PPP1R42: variants seen among roughly 807,000 people sequenced by gnomAD.
PPP1R42 encodes protein phosphatase 1 regulatory subunit 42.
Under a neutral mutation model 31.0 loss-of-function variants are expected in PPP1R42, and 34 were observed. The ratio of observed to expected loss-of-function variants is 1.10; its 90% CI spans 0.83 to 1.46. PPP1R42 has a LOEUF of 1.46. PPP1R42 is among the 40% of genes most tolerant of loss of function. PPP1R42 has a pLI of 0.00. For missense variants in PPP1R42, 268 were observed against 303.0 expected, an observed-to-expected ratio of 0.88 and a Z score of 0.86; for synonymous variants, 103 against 109.8, an observed-to-expected ratio of 0.94 and a Z score of 0.39.
At chr8:67,027,218 AT>A (rs910080794) in intron 1 of PPP1R42, among the ~76,000 whole-genome samples, 1 of 152,152 alleles carries the variant, frequency 6.6e-6, no homozygotes, top group Non-Finnish European at 1.5e-5. Context: ...AAGTGCTTTT[AT>A]CTAAATATAG....
chr8:66,992,613 A>C (rs1393060732), intron 5 of PPP1R42, among the ~76,000 whole-genome samples: 1 of 152,092 alleles, frequency 6.6e-6, no homozygotes, highest in African/African-American at 2.4e-5. Context: ...CCTTTTCTAT[A>C]ATCTATGTTT....
At chr8:66,987,287 C>CTTTTTTTTTTTTTTTTTTTTTTTTTTTT in intron 6 of PPP1R42, among the ~76,000 whole-genome samples, 1 of 106,008 alleles carries the variant, frequency 9.4e-6, no homozygotes, top group African/African-American at 3.8e-5. Flanking sequence ...AGCAAATGAT[C>CTTTTTTTTTTTTTTTTTTTTTTTTTTTT]TTTTTTTTTT....
At position 66,991,261 on chromosome 8, in the gene PPP1R42, T is replaced by C. The variant is rs1815181493; in HGVS notation, c.553-2744A>G. The stretch of plus-strand genomic sequence containing the variant: ...TTAATAGTGTCAGCAAGCTATATAA[T>C]GCTGGCCCTAGTGAAGTTCATGGCT... On this transcript the variant is annotated intron_variant, in intron 5 of 7. Coordinates refer to ENST00000685739, the MANE Select transcript of PPP1R42 (RefSeq NM_001364910.1). 3.3e-5 allele frequency among the ~76,000 whole-genome samples: 5 copies of C among 152,336 alleles called. No individual in the cohort carries two copies. The South Asian group carries it at 1.0e-3, about 32-fold the overall frequency.
intron 6 of PPP1R42, chr8:66,988,050 C>G: frequency 1.4e-6 from 1 of 708,194 alleles, no homozygotes; most frequent in Non-Finnish European, 1.7e-6. Context: ...ATCTACAGAA[C>G]CAAGAGCTAA....
chr8:66,970,896 T>C (rs73691161), intron 7 of PPP1R42: 39,810 of 963,060 alleles, frequency 0.041, 1,950 homozygotes, highest in African/African-American at 0.21. Context: ...ACAGATTGGA[T>C]GGCCTCTGTT....
chr8:66,987,417 G>A (rs1317660418), intron 6 of PPP1R42, among the ~76,000 whole-genome samples: 1 of 148,214 alleles, frequency 6.7e-6, no homozygotes, highest in East Asian at 2.0e-4. Flanking sequence ...TCAGCCTCCC[G>A]AGTAGCTGAG....
chr8:67,022,414 T>C (rs1284785211), intron 1 of PPP1R42, among the ~76,000 whole-genome samples: 1 of 152,246 alleles, frequency 6.6e-6, no homozygotes, highest in Non-Finnish European at 1.5e-5. Flanking sequence ...TAATATTTCA[T>C]TGATAATATG....
chr8:66,974,156 C>T (rs529730373), intron 7 of PPP1R42, among the ~76,000 whole-genome samples: 5 of 152,142 alleles, frequency 3.3e-5, no homozygotes, highest in South Asian at 2.1e-4. Context: ...TTTTGAGGAA[C>T]GTTCATACTG....
chr8:67,014,413 T>G lies in PPP1R42; in HGVS notation c.296+13A>C. On this transcript the variant is annotated intron_variant, in intron 3 of 7. Coordinates refer to ENST00000685739, the MANE Select transcript of PPP1R42 (RefSeq NM_001364910.1). ...AAAAATCAGATACATTATTAAAAAA[T>G]AAAAGCACTTACAGTTTTTCCAGTT... 1.4e-6 allele frequency: 2 copies of G among 1,427,030 alleles called. No individual in the cohort carries two copies. Among genetic ancestry groups the G allele is most frequent in the Non-Finnish European group, 1.9e-6 (2 of 1,065,786 alleles). The allele number at this position is 1,427,030 out of a possible 1,614,324, so 88.4% of individuals were successfully genotyped here. A position where few individuals can be genotyped will look rare whatever the true frequency, so the allele number is the denominator to read the frequency against.
intron 7 of PPP1R42, among the ~76,000 whole-genome samples, chr8:66,970,556 G>A (rs947858595): frequency 2.6e-5 from 4 of 152,176 alleles, no homozygotes; most frequent in African/African-American, 9.7e-5. Context: ...TGTAGAAGTG[G>A]TGAAAGTAGT....
intron 4 of PPP1R42, among the ~76,000 whole-genome samples, chr8:67,011,266 C>T (rs929082146): frequency 2.6e-5 from 4 of 152,180 alleles, no homozygotes; most frequent in Non-Finnish European, 5.9e-5. Context: ...GTGGCTCATG[C>T]CTGTAATCTC....
At chr8:66,991,570 C>T (rs987010513) in intron 5 of PPP1R42, among the ~76,000 whole-genome samples, 4 of 152,146 alleles carry the variant, frequency 2.6e-5, no homozygotes, top group South Asian at 2.1e-4. Context: ...GTGGGTCATC[C>T]GTCCACCAAG....
At chr8:67,012,029 A>G (rs868586481) in intron 4 of PPP1R42, among the ~76,000 whole-genome samples, 1 of 152,260 alleles carries the variant, frequency 6.6e-6, no homozygotes, top group African/African-American at 2.4e-5. Context: ...CCAACACCGT[A>G]ATCCCAGACT....
chr8:67,011,687 A>G (rs1310610693), intron 4 of PPP1R42, among the ~76,000 whole-genome samples: 1 of 152,224 alleles, frequency 6.6e-6, no homozygotes, highest in Non-Finnish European at 1.5e-5. Context: ...TAATTAGCTA[A>G]TTAACAGGAA....
chr8:66,966,380 A>C (rs1040067879), intron 7 of PPP1R42, among the ~76,000 whole-genome samples: 2 of 152,202 alleles, frequency 1.3e-5, no homozygotes, highest in Non-Finnish European at 2.9e-5. Context: ...AGCCCTGCTC[A>C]TGGCAACTGT....
intron 1 of PPP1R42, among the ~76,000 whole-genome samples, chr8:67,020,320 C>T (rs1362111385): frequency 1.3e-5 from 2 of 152,116 alleles, no homozygotes; most frequent in Non-Finnish European, 2.9e-5. Flanking sequence ...CTGCCTCAGC[C>T]TCCCGAGTAG....
In PPP1R42 at chr8:66,982,196, T is replaced by TAA; in HGVS notation, c.671-17_671-16insTT. On this transcript the variant is annotated splice_polypyrimidine_tract_variant and intron_variant, in intron 6 of 7. Coordinates refer to ENST00000685739, the MANE Select transcript of PPP1R42 (RefSeq NM_001364910.1). ...TCAAGAAATTCTGGAGAAAAATACATACATTTAAAAAATACAATATATACA... is the reference window on the plus strand; with the variant it reads ...TCAAGAAATTCTGGAGAAAAATACATAAACATTTAAAAAATACAATATATACA... 7.7e-7 allele frequency: 1 copy of TAA among 1,303,604 alleles called. No individual in the cohort carries two copies. The highest frequency in any genetic ancestry group is 1.0e-6 in the Non-Finnish European group (1 of 994,098). 80.8% of individuals were successfully genotyped at this position (1,303,604 alleles called of 1,614,324 possible). A position where few individuals can be genotyped will look rare whatever the true frequency, so the allele number is the denominator to read the frequency against.
At chr8:66,984,851 C>G in intron 6 of PPP1R42, 1 of 1,590,148 alleles carries the variant, frequency 6.3e-7, no homozygotes, top group Non-Finnish European at 8.6e-7. Context: ...TCTAGTAGTT[C>G]CTTCTGTGCT....
intron 6 of PPP1R42, chr8:66,984,937 T>C: frequency 1.3e-6 from 2 of 1,529,188 alleles, no homozygotes; most frequent in East Asian, 2.3e-5. Flanking sequence ...TGGTGTGTCA[T>C]TGTCAACTGG....
Sources: gnomAD v4.1 joint callset for allele counts (sites outside exome capture counted in the v4.1 genomes callset) on GRCh38, gnomAD v4.1.1 for gene constraint, MANE v1.5 for transcripts, NCBI Gene and HGNC (gene_info 2026-07-23, HGNC 2026-07-21) for gene names.